Variants in SDK1 observed in about 807,000 individuals in gnomAD.
The protein encoded by SDK1 is protein sidekick-1.
In SDK1, 157 loss-of-function variants were observed where a neutral mutation model predicts 245.5. The ratio of observed to expected loss-of-function variants is 0.64; its 90% CI spans 0.56 to 0.73. SDK1 has a LOEUF of 0.73. Among genes scored for constraint, SDK1 ranks in the 30% least tolerant of loss-of-function variants. The probability of loss-of-function intolerance (pLI) is 0.00; values close to 1 mark genes in which losing one functional copy is unlikely to be tolerated. For synonymous variants in SDK1, 1,647 were observed against 1,278.5 expected (o/e 1.29, Z -6.15); for missense variants, 3,583 against 3,002.3 (o/e 1.19, Z -4.52).
intron 20 of SDK1, among the ~76,000 whole-genome samples, chr7:4,071,466 C>T (rs1050260209): frequency 6.6e-6 from 1 of 152,220 alleles, no homozygotes; most frequent in Non-Finnish European, 1.5e-5. Context: ...CAATCTGTTG[C>T]ACATTCTGAA....
At chr7:4,158,900 C>G (rs546179471) in intron 31 of SDK1, among the ~76,000 whole-genome samples, 9 of 152,344 alleles carry the variant, frequency 5.9e-5, no homozygotes, top group Admixed American at 1.3e-4. Flanking sequence ...ACGAGCCACT[C>G]TTTGACAACA....
chr7:3,331,021 T>G (rs1275094415), intron 1 of SDK1, among the ~76,000 whole-genome samples: 1 of 151,978 alleles, frequency 6.6e-6, no homozygotes, highest in East Asian at 1.9e-4. Context: ...AATCCTGCAC[T>G]TTGGGAGGCC....
intron 4 of SDK1, among the ~76,000 whole-genome samples, chr7:3,819,611 C>G (rs1379897035): frequency 1.3e-5 from 2 of 151,718 alleles, no homozygotes; most frequent in Non-Finnish European, 2.9e-5. Flanking sequence ...TTCTATGGTT[C>G]TATAAAAGAA....
intron 4 of SDK1, among the ~76,000 whole-genome samples, chr7:3,772,593 A>G (rs1380556263): frequency 6.6e-6 from 1 of 152,242 alleles, no homozygotes; most frequent in East Asian, 1.9e-4. Flanking sequence ...TCATATAGAA[A>G]AAAGTGGAGT....
At position 3,421,635 on chromosome 7, in the gene SDK1, A is replaced by G. The variant is rs537555290; in HGVS notation, c.298+119751A>G. 2.6e-5 allele frequency among the ~76,000 whole-genome samples: 4 copies of G among 152,320 alleles called. No homozygotes were observed. In the South Asian group the frequency reaches 8.3e-4, roughly 32 times the overall value. On this transcript the variant is annotated intron_variant, in intron 1 of 44. Transcript: ENST00000404826. Reference sequence around the variant, plus strand: ...TTAGTGGAGAATGGACATTTTCTACATTGCGTGAGCGTCTACAGCTAGAGA... The same window carrying G: ...TTAGTGGAGAATGGACATTTTCTACGTTGCGTGAGCGTCTACAGCTAGAGA...
chr7:3,322,578 C>G (rs1583682074), intron 1 of SDK1, among the ~76,000 whole-genome samples: 1 of 152,188 alleles, frequency 6.6e-6, no homozygotes, highest in East Asian at 1.9e-4. Context: ...GGAAATGGAA[C>G]AATTTCCACC....
intron 5 of SDK1, among the ~76,000 whole-genome samples, chr7:3,851,975 G>A (rs1361547508): frequency 6.6e-6 from 1 of 152,186 alleles, no homozygotes; most frequent in Non-Finnish European, 1.5e-5. Context: ...ACTATTTAAT[G>A]CCGCTGGTGC....
chr7:3,885,043 C>T (rs1438141856), intron 5 of SDK1, among the ~76,000 whole-genome samples: 1 of 152,182 alleles, frequency 6.6e-6, no homozygotes, highest in Non-Finnish European at 1.5e-5. Flanking sequence ...CCCACCCCGC[C>T]CCATCTCTGC....
intron 21 of SDK1, among the ~76,000 whole-genome samples, chr7:4,079,251 C>T (rs1284336522): frequency 6.6e-6 from 1 of 152,226 alleles, no homozygotes; most frequent in African/African-American, 2.4e-5. Context: ...CTCCCAAAGC[C>T]CACTGGGTCA....
At chr7:3,754,643 C>G (rs1779865310) in intron 4 of SDK1, among the ~76,000 whole-genome samples, 1 of 145,086 alleles carries the variant, frequency 6.9e-6, no homozygotes. Flanking sequence ...GGATTGCTGA[C>G]TGGAGAAACA....
chr7:3,354,601 C>G (rs909613590), intron 1 of SDK1, among the ~76,000 whole-genome samples: 2 of 152,066 alleles, frequency 1.3e-5, no homozygotes, highest in Non-Finnish European at 2.9e-5. Context: ...TGTAATCAGT[C>G]TACATTTTTT....
At chr7:3,561,682 C>G (rs1434275341) in intron 1 of SDK1, among the ~76,000 whole-genome samples, 1 of 152,162 alleles carries the variant, frequency 6.6e-6, no homozygotes, top group East Asian at 1.9e-4. Flanking sequence ...ATGGATTATA[C>G]TTGGCCTTCC....
At chr7:3,480,729 C>G (rs1320616264) in intron 1 of SDK1, among the ~76,000 whole-genome samples, 1 of 152,172 alleles carries the variant, frequency 6.6e-6, no homozygotes, top group Non-Finnish European at 1.5e-5. Context: ...TTTGGAAAGC[C>G]AGTCTCTCGT....
rs1420149039 is a variant in SDK1, at chr7:4,224,582, C to T, written c.5827+3218C>T. On this transcript the variant is annotated intron_variant, in intron 40 of 44. Coordinates refer to ENST00000404826, the MANE Select transcript of SDK1 (RefSeq NM_152744.4). Reference sequence around the variant, plus strand: ...ATTCAACCTGAGATTTGGGTGGGGACACAGAGCCAAACAATATCACCAGTA... The same window carrying T: ...ATTCAACCTGAGATTTGGGTGGGGATACAGAGCCAAACAATATCACCAGTA... Among the ~76,000 whole-genome samples, 3 of 152,306 alleles carry T rather than the reference C, an allele frequency of 2.0e-5. No homozygotes were observed. In the East Asian group the frequency reaches 5.8e-4, roughly 29 times the overall value.
In SDK1 at chr7:3,962,768, G is replaced by T. The variant is rs148101694; in HGVS notation, c.1346G>T (p.Arg449Leu). ...ASGGLRIQKL[R>L]PEDSGIFQCF... Reference sequence around the variant, plus strand: ...GGAGGCCTGCGCATCCAGAAGCTGCGTCCAGAGGACTCCGGAATCTTCCAG... The same window carrying T: ...GGAGGCCTGCGCATCCAGAAGCTGCTTCCAGAGGACTCCGGAATCTTCCAG... The change falls in exon 9 of 45, where the codon CGT becomes CTT. Residue 449 changes from arginine (R) to leucine (L), a missense_variant. Physicochemically the swap from Arg to Leu is moderately radical, Grantham distance 102. Transcript: ENST00000404826. The T allele has an allele frequency of 2.5e-6, 4 of 1,613,716 alleles. No individual in the cohort carries two copies. The African/African-American group carries it at 4.0e-5, about 16-fold the overall frequency.
At chr7:3,472,898 G>A (rs1781228471) in intron 1 of SDK1, among the ~76,000 whole-genome samples, 1 of 152,126 alleles carries the variant, frequency 6.6e-6, no homozygotes, top group Non-Finnish European at 1.5e-5. Flanking sequence ...GTAGTTGGCC[G>A]CAGGAGGTAA....
chr7:3,358,224 G>C (rs935986106), intron 1 of SDK1, among the ~76,000 whole-genome samples: 2 of 152,200 alleles, frequency 1.3e-5, no homozygotes, highest in Admixed American at 1.3e-4. Context: ...GTTTCACCAT[G>C]TTGGCCAGGT....
chr7:4,206,046 T>G, intron 36 of SDK1, 52 bp downstream of exon 36: 8 of 1,213,820 alleles, frequency 6.6e-6, no homozygotes, highest in Non-Finnish European at 9.2e-6. Context: ...GCACCCCTCG[T>G]TCACGTGGTC....
intron 5 of SDK1, among the ~76,000 whole-genome samples, chr7:3,822,710 G>T (rs565830016): frequency 9.2e-5 from 14 of 151,920 alleles, no homozygotes; most frequent in African/African-American, 3.4e-4. Flanking sequence ...GGAGGTTGCA[G>T]TGAGCTGAGA....
Sources: allele counts gnomAD v4.1 joint callset (sites outside exome capture counted in the v4.1 genomes callset), GRCh38; gene constraint gnomAD v4.1.1; transcripts MANE v1.5; gene names NCBI Gene and HGNC (gene_info 2026-07-23, HGNC 2026-07-21).